The following CAMTA1 variants were observed in gnomAD, a reference collection of about 807,000 sequenced individuals.
The protein encoded by CAMTA1 is calmodulin-binding transcription activator 1.
A neutral mutation model predicts 170.9 loss-of-function variants in CAMTA1; 27 were observed. The ratio of observed to expected loss-of-function variants is 0.16; its 90% confidence interval spans 0.12 to 0.22. The LOEUF (loss-of-function observed/expected upper bound fraction) is 0.22, where lower values mean the gene tolerates loss of function less well. Ranked by LOEUF, CAMTA1 falls within the 10% of genes least tolerant of loss-of-function variation. The pLI, the probability that CAMTA1 is intolerant of heterozygous loss-of-function variation, is 1.00. For synonymous variants in CAMTA1, 833 were observed against 891.5 expected, an observed-to-expected ratio of 0.93 and a Z score of 1.17; for missense variants, 1,619 against 2,217.2, an observed-to-expected ratio of 0.73 and a Z score of 5.42.
At chr1:7,351,028 G>A (rs1395497399) in intron 5 of CAMTA1, among the ~76,000 whole-genome samples, 2 of 152,232 alleles carry the variant, frequency 1.3e-5, no homozygotes, top group South Asian at 2.1e-4. Context: ...CGGGTGGGGC[G>A]CATTCCTGCT....
chr1:7,546,046 C>G (rs2094688469), intron 6 of CAMTA1, among the ~76,000 whole-genome samples: 1 of 151,718 alleles, frequency 6.6e-6, no homozygotes, highest in Non-Finnish European at 1.5e-5. Flanking sequence ...AGCTCCACCT[C>G]CCGGGTTCAC....
chr1:7,173,019 C>T lies in CAMTA1; in HGVS notation c.303-76472C>T, dbSNP rs913251183. The stretch of plus-strand genomic sequence containing the variant: ...ATGGGCTGGCTGTGTCCATCCATCC[C>T]GTGCTGGAGCGTGGCTGGGGACAGG... On this transcript the variant is annotated intron_variant, in intron 4 of 22. Transcript: ENST00000303635. This position sits in a 1 kb window ranked among gnomAD's most constrained non-coding sequence, Gnocchi z 5.4. 6.6e-5 allele frequency among the ~76,000 whole-genome samples: 10 copies of T among 152,162 alleles called. No homozygotes were observed. The highest frequency in any genetic ancestry group is 2.1e-4 in the South Asian group (1 of 4,832).
At chr1:7,459,850 G>A (rs906784244) in intron 5 of CAMTA1, among the ~76,000 whole-genome samples, 1 of 152,226 alleles carries the variant, frequency 6.6e-6, no homozygotes, top group African/African-American at 2.4e-5. Flanking sequence ...GAGAAACAGC[G>A]CAGGGAAGGC....
At chr1:6,837,855 G>A (rs1653920462) in intron 3 of CAMTA1, among the ~76,000 whole-genome samples, 1 of 152,172 alleles carries the variant, frequency 6.6e-6, no homozygotes, top group African/African-American at 2.4e-5. Context: ...GCTGTGTGGT[G>A]ATTATGTATT....
chr1:7,354,964 G>A (rs1477164041), intron 5 of CAMTA1, among the ~76,000 whole-genome samples: 1 of 152,180 alleles, frequency 6.6e-6, no homozygotes, highest in Non-Finnish European at 1.5e-5. Flanking sequence ...CACTTAGGAA[G>A]GCTGAGGGGG....
At chr1:6,841,933 T>A (rs1434946833) in intron 3 of CAMTA1, among the ~76,000 whole-genome samples, 4 of 152,152 alleles carry the variant, frequency 2.6e-5, no homozygotes, top group South Asian at 4.1e-4. Context: ...GATGCTGTCA[T>A]TCCACGGGTG....
At chr1:7,105,777 C>T (rs187438425) in intron 4 of CAMTA1, among the ~76,000 whole-genome samples, 66 of 152,018 alleles carry the variant, frequency 4.3e-4, no homozygotes, top group African/African-American at 1.5e-3. Context: ...ACCACCGTCT[C>T]TACAAAAATA....
intron 18 of CAMTA1, among the ~76,000 whole-genome samples, chr1:7,746,726 C>T (rs2096859605): frequency 1.3e-5 from 2 of 152,184 alleles, no homozygotes; most frequent in African/African-American, 2.4e-5. Context: ...CAACCTCCAC[C>T]TCCCAATTCA....
chr1:7,101,122 T>C (rs190664591), intron 4 of CAMTA1, among the ~76,000 whole-genome samples: 1 of 152,134 alleles, frequency 6.6e-6, no homozygotes, highest in Non-Finnish European at 1.5e-5. Context: ...CCATCGATGG[T>C]CATTTTGTTT....
chr1:7,084,933 T>C (rs1444336873), intron 3 of CAMTA1, among the ~76,000 whole-genome samples: 1 of 152,256 alleles, frequency 6.6e-6, no homozygotes, highest in African/African-American at 2.4e-5. Context: ...TAAAATATTA[T>C]TAAATTTTCT....
chr1:7,659,631 G>A (rs1576661019), intron 7 of CAMTA1, among the ~76,000 whole-genome samples: 1 of 152,292 alleles, frequency 6.6e-6, no homozygotes, highest in East Asian at 1.9e-4. Context: ...CCACCACAGA[G>A]ATCTACCCGC....
At chr1:6,852,127 T>C (rs2148816850) in intron 3 of CAMTA1, among the ~76,000 whole-genome samples, 1 of 151,716 alleles carries the variant, frequency 6.6e-6, no homozygotes, top group African/African-American at 2.4e-5. Context: ...CAGAAGGCAA[T>C]GAACTAATGT....
intron 3 of CAMTA1, among the ~76,000 whole-genome samples, chr1:6,831,118 C>T (rs926325954): frequency 1.3e-5 from 2 of 151,982 alleles, no homozygotes; most frequent in Non-Finnish European, 2.9e-5. Flanking sequence ...GCGCCCGGCC[C>T]GATAGTTTTG....
chr1:7,326,043 G>A (rs1468345090), intron 5 of CAMTA1, among the ~76,000 whole-genome samples: 1 of 152,126 alleles, frequency 6.6e-6, no homozygotes, highest in East Asian at 1.9e-4. Context: ...ATTTTTAGTA[G>A]AGACAGTGTT....
chr1:7,606,356 T>A (rs2095486555), intron 6 of CAMTA1, among the ~76,000 whole-genome samples: 1 of 152,146 alleles, frequency 6.6e-6, no homozygotes, highest in Non-Finnish European at 1.5e-5. Flanking sequence ...AGATGGCACT[T>A]GTTGGGCAGC....
At position 7,535,515 on chromosome 1, in the gene CAMTA1, G is replaced by A. The variant is rs923433218; in HGVS notation, c.510+67614G>A. On this transcript the variant is annotated intron_variant, in intron 6 of 22. Coordinates refer to ENST00000303635, the MANE Select transcript of CAMTA1 (RefSeq NM_015215.4). The stretch of plus-strand genomic sequence containing the variant: ...GGCTGCGAGCATGGCCCAGTCACCC[G>A]CTAGAGATGGGCAAAGCTGCGCTTT... Among the ~76,000 whole-genome samples, 6 of 152,320 alleles carry A rather than the reference G, an allele frequency of 3.9e-5. No individual in the cohort carries two copies. The South Asian group carries it at 1.0e-3, about 26-fold the overall frequency.
chr1:6,793,901 A>G (rs1457976278), intron 1 of CAMTA1, among the ~76,000 whole-genome samples: 1 of 152,218 alleles, frequency 6.6e-6, no homozygotes, highest in South Asian at 2.1e-4. Flanking sequence ...CTGAGGATAT[A>G]TGTGCCCTGT....
intron 4 of CAMTA1, among the ~76,000 whole-genome samples, chr1:7,230,162 G>A (rs1293822414): frequency 6.6e-6 from 1 of 151,944 alleles, no homozygotes; most frequent in African/African-American, 2.4e-5. Context: ...CTCCTGGCCC[G>A]GCCCTGAAGC....
chr1:7,474,399 A>G (rs2093385585), intron 6 of CAMTA1, among the ~76,000 whole-genome samples: 1 of 151,422 alleles, frequency 6.6e-6, no homozygotes, highest in Admixed American at 6.6e-5. Flanking sequence ...CAACAGCAGC[A>G]TGGAATACAG....
Sources: allele counts gnomAD v4.1 joint callset (sites outside exome capture counted in the v4.1 genomes callset), GRCh38; gene constraint gnomAD v4.1.1; non-coding constraint Gnocchi (gnomAD v3.1); transcripts MANE v1.5; gene names NCBI Gene and HGNC (gene_info 2026-07-23, HGNC 2026-07-21).